WSCD2: variants seen among roughly 807,000 people sequenced by gnomAD.
WSCD2 encodes the protein WSC domain sialate O sulfotransferase 2.
WSCD2 carries 28 observed loss-of-function variants against 55.7 expected under a neutral mutation model. That is an observed-to-expected ratio of 0.50 (90% CI 0.37 to 0.69). The LOEUF is 0.69. Ranked by LOEUF, WSCD2 falls within the 30% of genes least tolerant of loss-of-function variation. The pLI is 0.00. For synonymous variants in WSCD2, 301 were observed against 301.9 expected (o/e 1.00, Z 0.03); for missense variants, 616 against 762.1 (o/e 0.81, Z 2.26).
intron 1 of WSCD2, among the ~76,000 whole-genome samples, chr12:108,166,817 CTT>C (rs550529805): frequency 1.5e-3 from 152 of 103,656 alleles, no homozygotes; most frequent in African/African-American, 4.8e-3. Context: ...CTCTTTTTTT[CTT>C]TTTTTTTTTT....
intron 5 of WSCD2, 113 bp downstream of exon 5, chr12:108,224,973 G>A (rs574294078): frequency 1.5e-5 from 21 of 1,435,226 alleles, no homozygotes; most frequent in Middle Eastern, 2.0e-4. Context: ...AGATGTAGTC[G>A]TTGACTGGGA....
chr12:108,240,533 G>A lies in WSCD2; in HGVS notation c.1334G>A (p.Trp445Ter). Residue 445 changes from tryptophan (W) to a stop codon, truncating the protein, a stop_gained, in exon 8 of 9, where the codon TGG becomes TAG. Coordinates refer to ENST00000547525, the MANE Select transcript of WSCD2 (RefSeq NM_014653.4). LOFTEE classifies it high-confidence loss of function. ...GHIGFAAHAH[W>*]KGKEWPEFVR... ...ATAGGCTTTGCTGCGCATGCCCACT[G>A]GAAGGGCAAAGGTACAGCTCGGGAG... The A allele has an allele frequency of 6.3e-7, 1 of 1,592,454 alleles. No individual in the cohort carries two copies. The highest frequency in any genetic ancestry group is 8.6e-7 in the Non-Finnish European group (1 of 1,169,436).
intron 1 of WSCD2, among the ~76,000 whole-genome samples, chr12:108,182,304 C>T (rs1881882099): frequency 6.6e-6 from 1 of 152,174 alleles, no homozygotes; most frequent in Admixed American, 6.5e-5. Context: ...TTCATGGGTG[C>T]ATCTTTCATC....
At chr12:108,200,472 C>T (rs974989185) in intron 2 of WSCD2, among the ~76,000 whole-genome samples, 1 of 150,414 alleles carries the variant, frequency 6.6e-6, no homozygotes, top group African/African-American at 2.4e-5. Context: ...TAACTCCATT[C>T]ATTCGTTCAT....
intron 8 of WSCD2, among the ~76,000 whole-genome samples, chr12:108,242,380 A>G (rs933915852): frequency 1.3e-5 from 2 of 152,196 alleles, no homozygotes; most frequent in African/African-American, 4.8e-5. Flanking sequence ...AGAACAGTCA[A>G]TCAAAAGCAA....
intron 6 of WSCD2, among the ~76,000 whole-genome samples, chr12:108,229,286 C>G (rs368868013): frequency 6.6e-6 from 1 of 152,212 alleles, no homozygotes; most frequent in East Asian, 1.9e-4. Context: ...TCTGTCAAAT[C>G]TTTTACCTGC....
At chr12:108,150,652 G>T (rs774169325) in intron 1 of WSCD2, among the ~76,000 whole-genome samples, 1 of 152,178 alleles carries the variant, frequency 6.6e-6, no homozygotes, top group Non-Finnish European at 1.5e-5. Context: ...GAGGCAGGCA[G>T]GACCCCGATA....
At chr12:108,202,103 G>A (rs567501190) in intron 2 of WSCD2, among the ~76,000 whole-genome samples, 18 of 152,272 alleles carry the variant, frequency 1.2e-4, no homozygotes, top group African/African-American at 3.1e-4. Flanking sequence ...CCTGAGGAAC[G>A]GCTGAAGAGG....
At chr12:108,203,887 G>T (rs551561512) in intron 2 of WSCD2, among the ~76,000 whole-genome samples, 10 of 152,212 alleles carry the variant, frequency 6.6e-5, no homozygotes, top group Non-Finnish European at 1.3e-4. Flanking sequence ...AAGATGGTTG[G>T]AGGACAGACC....
In WSCD2 at chr12:108,211,630, C is replaced by CATATATATATATATATATATATACAT. The variant is rs56944563; in HGVS notation, c.682+1346_682+1347insTACATATATATATATATATATATATA. Among the ~76,000 whole-genome samples the CATATATATATATATATATATATACAT allele has an allele frequency of 5.7e-3, 785 of 138,480 alleles. 12 individuals are homozygous for CATATATATATATATATATATATACAT. Among genetic ancestry groups the CATATATATATATATATATATATACAT allele is most frequent in the African/African-American group, 0.021 (763 of 36,704 alleles). The allele number at this position is 138,480 out of a possible 152,430, so 90.8% of individuals were successfully genotyped here. A position where few individuals can be genotyped will look rare whatever the true frequency, so the allele number is the denominator to read the frequency against. ...AAAATGTGTCCAGTGTTTCAAATCC[C>CATATATATATATATATATATATACAT]ATATATATATATATATATATACATA... On this transcript the variant is annotated intron_variant, in intron 4 of 8. Coordinates refer to ENST00000547525, the MANE Select transcript of WSCD2 (RefSeq NM_014653.4).
intron 1 of WSCD2, among the ~76,000 whole-genome samples, chr12:108,173,810 C>CTGTGTGTGTGTG (rs113409001): frequency 0.014 from 1,790 of 131,182 alleles, 47 homozygotes; most frequent in African/African-American, 0.033. Flanking sequence ...TCCTGGCTCT[C>CTGTGTGTGTGTG]TGTGTGTGTG....
intron 1 of WSCD2, among the ~76,000 whole-genome samples, chr12:108,188,839 A>C (rs1279678594): frequency 1.3e-5 from 2 of 152,218 alleles, no homozygotes; most frequent in East Asian, 3.8e-4. Flanking sequence ...CCATGGCATC[A>C]TGACACTGAG....
At chr12:108,133,299 C>G (rs1875815021) in intron 1 of WSCD2, among the ~76,000 whole-genome samples, 1 of 152,006 alleles carries the variant, frequency 6.6e-6, no homozygotes, top group Non-Finnish European at 1.5e-5. Flanking sequence ...TCTGTGTGTT[C>G]CAGTGTAACT....
intron 8 of WSCD2, 22 bp downstream of exon 8, chr12:108,240,566 G>A (rs1175649469): frequency 2.9e-5 from 44 of 1,505,560 alleles, no homozygotes; most frequent in Non-Finnish European, 3.9e-5. Flanking sequence ...GAGAGGAGGG[G>A]AGGGGAGGGG....
rs149457804 is a variant in WSCD2 at position 108,242,236 on chromosome 12, T to A, written c.1345+1692T>A. On this transcript the variant is annotated intron_variant, in intron 8 of 8. Coordinates refer to ENST00000547525, the MANE Select transcript of WSCD2 (RefSeq NM_014653.4). ...CTTGGGCCTGCCCCTCAGGTCCCAA[T>A]TCACTCAAGGCGGTTTTTCTGTTCC... Among the ~76,000 whole-genome samples the A allele has an allele frequency of 3.3e-3, 510 of 152,360 alleles. 6 individuals carry two copies. Among genetic ancestry groups the A allele is most frequent in the African/African-American group, 0.011 (458 of 41,586 alleles).
chr12:108,205,816 C>T (rs1184160591), intron 2 of WSCD2, among the ~76,000 whole-genome samples: 1 of 152,018 alleles, frequency 6.6e-6, no homozygotes, highest in Admixed American at 6.5e-5. Context: ...CTTTCTAGGC[C>T]CATGCTAGGA....
chr12:108,133,843 A>T (rs1488668173), intron 1 of WSCD2, among the ~76,000 whole-genome samples: 1 of 152,230 alleles, frequency 6.6e-6, no homozygotes, highest in Non-Finnish European at 1.5e-5. Flanking sequence ...TGTTAAAAGC[A>T]CAGGTATAAT....
At chr12:108,209,851 C>T (rs1417491824) in intron 3 of WSCD2, among the ~76,000 whole-genome samples, 1 of 151,964 alleles carries the variant, frequency 6.6e-6, no homozygotes, top group Non-Finnish European at 1.5e-5. Flanking sequence ...CTGTGTGCTA[C>T]CTCCCTAATC....
intron 2 of WSCD2, among the ~76,000 whole-genome samples, chr12:108,200,629 A>G (rs1473915298): frequency 6.6e-6 from 1 of 152,184 alleles, no homozygotes; most frequent in African/African-American, 2.4e-5. Context: ...TCCCCATTAT[A>G]ACACCTTTTC....
Sources: allele counts gnomAD v4.1 joint callset (sites outside exome capture counted in the v4.1 genomes callset), GRCh38; gene constraint gnomAD v4.1.1; transcripts MANE v1.5; gene names NCBI Gene and HGNC (gene_info 2026-07-23, HGNC 2026-07-21).